AIFM3: variants seen among roughly 807,000 people sequenced by gnomAD.
AIFM3 encodes apoptosis-inducing factor 3.
AIFM3 carries 71 observed loss-of-function variants against 82.7 expected under a neutral mutation model. The observed-to-expected ratio is 0.86, with a 90% confidence interval of 0.71 to 1.05. AIFM3 has a LOEUF of 1.05. Among genes scored for constraint, AIFM3 ranks in the 50% least tolerant of loss-of-function variants. The pLI is 0.00. For missense variants in AIFM3, 748 were observed against 816.7 expected, an observed-to-expected ratio of 0.92 and a Z score of 1.03; for synonymous variants, 337 against 329.1, an observed-to-expected ratio of 1.02 and a Z score of -0.26.
chr22:20,968,932 G>A (rs748205070), intron 2 of AIFM3, among the ~76,000 whole-genome samples: 13 of 152,180 alleles, frequency 8.5e-5, no homozygotes, highest in African/African-American at 2.7e-4. Context: ...GAACTTGGGC[G>A]AGGGAGGAGG....
intron 16 of AIFM3, among the ~76,000 whole-genome samples, chr22:20,978,884 G>T (rs1011768831): frequency 9.9e-5 from 15 of 152,028 alleles, no homozygotes; most frequent in Non-Finnish European, 2.9e-5. Flanking sequence ...TTGGGGCCTT[G>T]TGTGTGGCTG....
In AIFM3 at chr22:20,968,002, C is replaced by A. The variant is rs767825991; in HGVS notation, c.31+27C>A. On this transcript the variant is annotated intron_variant, in intron 2 of 20. Transcript: ENST00000440238. ...TACCTCCTGTCTTCTTGTCTCCATC[C>A]TTTCTCCTCCCTCCCCGCCTCCTCC... The A allele has an allele frequency of 2.5e-6, 4 of 1,610,504 alleles. No homozygotes were observed. The Admixed American group carries it at 6.7e-5, about 27-fold the overall frequency.
At chr22:20,980,708 T>C (rs1180010296) in intron 19 of AIFM3, 39 bp from the exon 20 acceptor site, 28 of 1,614,032 alleles carry the variant, frequency 1.7e-5, no homozygotes, top group Non-Finnish European at 2.4e-5. Flanking sequence ...TGCTCTCTCC[T>C]TGGCCTTCTC....
In AIFM3 at chr22:20,976,648, C is replaced by T. The variant is rs374843871; in HGVS notation, c.1031-3C>T. The T allele has an allele frequency of 9.3e-6, 15 of 1,610,750 alleles. No homozygotes were observed. Among genetic ancestry groups the T allele is most frequent in the Non-Finnish European group, 9.3e-6 (11 of 1,178,484 alleles). ...CAGCCTGCCACCCCCTGCCCATCAC[C>T]AGGGATGGAGGTGGCCGCTTACCTG... On this transcript the variant is annotated splice_region_variant and splice_polypyrimidine_tract_variant and intron_variant, in intron 11 of 20. Coordinates refer to ENST00000440238, the MANE Select transcript of AIFM3 (RefSeq NM_001386814.1).
rs1569147276 is a variant in AIFM3 at position 20,973,457 on chromosome 22, A to G, written c.182A>G (p.Tyr61Cys). The G allele has an allele frequency of 6.2e-7, 1 of 1,612,670 alleles. No individual in the cohort carries two copies. Among genetic ancestry groups the G allele is most frequent in the Non-Finnish European group, 8.5e-7 (1 of 1,179,952 alleles). Residue 61 changes from tyrosine to cysteine, a missense_variant, in exon 3 of 21, where the codon TAC (tyrosine) becomes TGC (cysteine). Tyr to Cys is a radical substitution (Grantham distance 194). Around this residue, in one of 5 missense-constraint regions of AIFM3, gnomAD observed 148 missense variants for 134.1 expected, o/e 1.10. Coordinates refer to ENST00000440238, the MANE Select transcript of AIFM3 (RefSeq NM_001386814.1). Reference protein sequence around the residue: ...TEERLSTPHPYPSPQDCVEAA... With the variant: ...TEERLSTPHPCPSPQDCVEAA... ...GAGCGCCTGTCCACCCCTCACCCCT[A>G]CCCCAGCCCTCAGGATTGCGTGGAG...
chr22:20,971,658 AC>A (rs779517927), intron 2 of AIFM3, among the ~76,000 whole-genome samples: 7 of 151,932 alleles, frequency 4.6e-5, no homozygotes, highest in African/African-American at 4.8e-5. Flanking sequence ...GAGAGGTAAA[AC>A]CCAGAGGTGC....
chr22:20,978,297 T>TGG (rs1002301216), intron 16 of AIFM3, among the ~76,000 whole-genome samples: 4 of 142,300 alleles, frequency 2.8e-5, no homozygotes, highest in Admixed American at 6.9e-5. Context: ...TGCATTACCC[T>TGG]GGGGAGGGAG....
chr22:20,976,082 G>C lies in AIFM3; in HGVS notation c.808-133G>C, dbSNP rs896501417. 4 of 992,890 alleles carry C rather than the reference G, an allele frequency of 4.0e-6. 1 individual carries two copies. The highest frequency in any genetic ancestry group is 2.2e-5 in the Admixed American group (1 of 46,422). The allele number at this position is 992,890 out of a possible 1,614,324, so 61.5% of individuals were successfully genotyped here. ...TCTGAAGCGTAAAGAATGAAGCCCA[G>C]GTGGCAGGATCTGTTTTAATGGGAG... On this transcript the variant is annotated intron_variant, in intron 9 of 20. Coordinates refer to ENST00000440238, the MANE Select transcript of AIFM3 (RefSeq NM_001386814.1).
intron 17 of AIFM3, 97 bp downstream of exon 17, chr22:20,979,466 C>G: frequency 2.0e-6 from 3 of 1,475,868 alleles, no homozygotes; most frequent in Non-Finnish European, 2.8e-6. Flanking sequence ...AGGGCTATGA[C>G]CGCACTAGGA....
chr22:20,979,031 G>A (rs1253093209), intron 16 of AIFM3, among the ~76,000 whole-genome samples: 1 of 152,146 alleles, frequency 6.6e-6, no homozygotes, highest in African/African-American at 2.4e-5. Context: ...TCCAGAGTCA[G>A]GGCACTTTAT....
At chr22:20,973,221 C>T (rs1025982767) in intron 2 of AIFM3, 86 bp from the exon 3 acceptor site, 87 of 1,480,516 alleles carry the variant, frequency 5.9e-5, no homozygotes, top group Non-Finnish European at 7.4e-5. Context: ...CCTGGCACCC[C>T]GAGGAGCTGG....
intron 18 of AIFM3, 129 bp downstream of exon 18, chr22:20,979,831 T>C: frequency 7.8e-7 from 1 of 1,290,012 alleles, no homozygotes. Context: ...GGAGCTTCCT[T>C]AGGAAAGCCC....
intron 2 of AIFM3, among the ~76,000 whole-genome samples, chr22:20,969,068 C>G (rs1252689623): frequency 6.6e-6 from 1 of 152,208 alleles, no homozygotes; most frequent in Admixed American, 6.5e-5. Context: ...CAAAATGTGC[C>G]TTGGGCAGAT....
At chr22:20,979,859 A>C (rs968679134) in intron 18 of AIFM3, 157 bp downstream of exon 18, 3 of 1,165,788 alleles carry the variant, frequency 2.6e-6, no homozygotes, top group Non-Finnish European at 3.7e-6. Flanking sequence ...GTGCACGGTC[A>C]AGCCGCGATG....
intron 2 of AIFM3, among the ~76,000 whole-genome samples, chr22:20,971,844 C>T (rs1923284035): frequency 6.6e-6 from 1 of 152,146 alleles, no homozygotes; most frequent in African/African-American, 2.4e-5. Context: ...ATATCCCAGG[C>T]ACATCACAGG....
chr22:20,971,498 A>G (rs1413057124), intron 2 of AIFM3, among the ~76,000 whole-genome samples: 1 of 152,220 alleles, frequency 6.6e-6, no homozygotes, highest in Non-Finnish European at 1.5e-5. Context: ...CTGGGCAGCC[A>G]GGAGAGGCAA....
intron 18 of AIFM3, 42 bp downstream of exon 18, chr22:20,979,744 C>G (rs1433068258): frequency 6.2e-7 from 1 of 1,609,306 alleles, no homozygotes; most frequent in South Asian, 1.1e-5. Context: ...GCAGCGGGAG[C>G]TCAGTCGGGA....
rs559811115 is a variant in AIFM3, at chr22:20,967,841, G to A, written c.-104G>A. 5.9e-5 allele frequency: 77 copies of A among 1,294,202 alleles called. 1 individual carries two copies. The highest frequency in any genetic ancestry group is 7.5e-5 in the Non-Finnish European group (67 of 895,180). 80.2% of individuals were successfully genotyped at this position (1,294,202 alleles called of 1,614,324 possible). A position where few individuals can be genotyped will look rare whatever the true frequency, so the allele number is the denominator to read the frequency against. ...GCTCCAGCAGGATGGCGGCTCCAGC[G>A]TCTCTAAGGCCTGCAGGGGGTCCAG... On this transcript the variant is annotated 5_prime_UTR_variant, in exon 2 of 21. Coordinates refer to ENST00000440238, the MANE Select transcript of AIFM3 (RefSeq NM_001386814.1).
At chr22:20,980,497 A>G (rs1203336172) in intron 19 of AIFM3, 2 of 608,366 alleles carry the variant, frequency 3.3e-6, no homozygotes, top group East Asian at 2.7e-5. Flanking sequence ...TATGCCCTCC[A>G]CATAGATGGT....
Sources: gnomAD v4.1 joint callset for allele counts (sites outside exome capture counted in the v4.1 genomes callset) on GRCh38, gnomAD v4.1.1 for gene constraint, gnomAD v4.1.1 regional missense constraint, MANE v1.5 for transcripts, NCBI Gene and HGNC (gene_info 2026-07-23, HGNC 2026-07-21) for gene names.